REV3L: variants seen among roughly 807,000 people sequenced by gnomAD.
The protein encoded by REV3L is REV3 like, DNA directed polymerase zeta catalytic subunit, also known as DNA polymerase zeta catalytic subunit.
In REV3L, 69 loss-of-function variants were observed where a neutral mutation model predicts 299.4. That is an observed-to-expected ratio of 0.23 (90% CI 0.19 to 0.28). REV3L has a LOEUF of 0.28. Ranked by LOEUF, REV3L falls within the 10% of genes least tolerant of loss-of-function variation. The pLI, the probability that REV3L is intolerant of heterozygous loss-of-function variation, is 1.00. For synonymous variants in REV3L, 1,238 were observed against 1,271.4 expected (o/e 0.97, Z 0.56); for missense variants, 3,128 against 3,693.8 (o/e 0.85, Z 3.97).
chr6:111,405,439 A>C, intron 4 of REV3L, 31 bp downstream of exon 4: 1 of 1,553,658 alleles, frequency 6.4e-7, no homozygotes, highest in Non-Finnish European at 8.7e-7. Context: ...TAATTTGACA[A>C]AAATTTAATT....
chr6:111,302,107 C>T (rs1443314803), intron 31 of REV3L, among the ~76,000 whole-genome samples: 4 of 152,136 alleles, frequency 2.6e-5, no homozygotes, highest in Admixed American at 2.0e-4. Flanking sequence ...TCCAGTTAAC[C>T]GAAGGGCACA....
rs904312856 is a variant in REV3L, at chr6:111,446,457, G to A, written c.140-29985C>T. On this transcript the variant is annotated intron_variant, in intron 1 of 31. Transcript: ENST00000368802. ...GCTGGCTCACGCTTACAATCCCAGC[G>A]CTTTGGGAGGCCGAGGCGGGTGGAT... Among the ~76,000 whole-genome samples, 9 of 152,038 alleles carry A rather than the reference G, an allele frequency of 5.9e-5. No individual in the cohort carries two copies. The South Asian group carries it at 1.7e-3, about 28-fold the overall frequency.
At chr6:111,454,604 A>G (rs1231598799) in intron 1 of REV3L, among the ~76,000 whole-genome samples, 1 of 152,108 alleles carries the variant, frequency 6.6e-6, no homozygotes, top group East Asian at 1.9e-4. Flanking sequence ...TGTTCTCTAT[A>G]AATTTGACTA....
At chr6:111,343,777 G>A (rs1350373027) in intron 21 of REV3L, 148 bp downstream of exon 21, 14 of 472,304 alleles carry the variant, frequency 3.0e-5, no homozygotes, top group Non-Finnish European at 4.4e-5. Flanking sequence ...TGATGTGCCC[G>A]CCTCGGCCTC....
At chr6:111,382,126 C>T (rs1780892844) in intron 9 of REV3L, among the ~76,000 whole-genome samples, 1 of 152,130 alleles carries the variant, frequency 6.6e-6, no homozygotes, top group Non-Finnish European at 1.5e-5. Flanking sequence ...ACATTCATTA[C>T]ATTTTCATGA....
chr6:111,371,371 A>C (rs985320092), intron 13 of REV3L, among the ~76,000 whole-genome samples: 4 of 151,990 alleles, frequency 2.6e-5, no homozygotes, highest in African/African-American at 9.7e-5. Flanking sequence ...GTGCGCTCAC[A>C]TGTTTGTCTA....
chr6:111,352,618 T>G (rs967606408), intron 18 of REV3L, among the ~76,000 whole-genome samples: 3 of 152,214 alleles, frequency 2.0e-5, no homozygotes, highest in African/African-American at 7.2e-5. Context: ...TAGTAATTAT[T>G]TGGTTCTCAC....
intron 31 of REV3L, among the ~76,000 whole-genome samples, chr6:111,303,688 TAACAGACTATGAC>T (rs377635749): frequency 0.16 from 12,491 of 78,198 alleles, 3,364 homozygotes; most frequent in Non-Finnish European, 0.29. Flanking sequence ...TTTTTTTTTT[TAACAGACTATGAC>T]TTTTTTTTTT....
chr6:111,301,318 G>A (rs570273115), intron 31 of REV3L, among the ~76,000 whole-genome samples: 42 of 152,070 alleles, frequency 2.8e-4, no homozygotes, highest in Non-Finnish European at 5.3e-4. Flanking sequence ...CCCTGGCCTT[G>A]TGATCTCACT....
At chr6:111,347,245 G>A (rs538081850) in intron 20 of REV3L, among the ~76,000 whole-genome samples, 10 of 151,572 alleles carry the variant, frequency 6.6e-5, no homozygotes, top group African/African-American at 2.4e-4. Context: ...CTCCATTCTG[G>A]GTGACAGAGC....
chr6:111,387,737 T>C, intron 9 of REV3L, 28 bp downstream of exon 9: 1 of 1,600,738 alleles, frequency 6.2e-7, no homozygotes, highest in Non-Finnish European at 8.6e-7. Context: ...TTCTAGTAGT[T>C]TCTGTATACA....
At chr6:111,364,472 C>T (rs1299344033) in intron 15 of REV3L, among the ~76,000 whole-genome samples, 1 of 124,718 alleles carries the variant, frequency 8.0e-6, no homozygotes, top group Non-Finnish European at 2.0e-5. Flanking sequence ...CTTTCCATTT[C>T]TTACAAAATT....
At position 111,374,754 on chromosome 6, in the gene REV3L, C is replaced by T. The variant is rs758830800; in HGVS notation, c.3601G>A (p.Val1201Ile). 1 of 1,612,394 alleles carries T rather than the reference C, an allele frequency of 6.2e-7. No individual in the cohort carries two copies. Among genetic ancestry groups the T allele is most frequent in the South Asian group, 1.1e-5 (1 of 90,864 alleles). The change falls in exon 13 of 32, where the codon GTA becomes ATA. Residue 1201 changes from valine to isoleucine, a missense_variant. Val to Ile is a conservative substitution (Grantham distance 29). Around this residue, in one of 9 missense-constraint regions of REV3L, gnomAD observed 2,409 missense variants for 2,611.8 expected, o/e 0.92. Transcript: ENST00000368802. ...CTTGGTTTCTTTTTTCCATCATCTA[C>T]TAGTTTATTTGTCTGATTTCGTTTG... ...RNKRNQTNKL[V>I]DDGKKKPRAK...
At chr6:111,456,816 C>T (rs941413428) in intron 1 of REV3L, among the ~76,000 whole-genome samples, 2 of 152,062 alleles carry the variant, frequency 1.3e-5, no homozygotes, top group African/African-American at 4.8e-5. Context: ...TTAATAGAAG[C>T]GTATCTTGCT....
At chr6:111,378,355 ATT>A (rs1451536567) in intron 11 of REV3L, among the ~76,000 whole-genome samples, 9 of 152,224 alleles carry the variant, frequency 5.9e-5, no homozygotes, top group Non-Finnish European at 1.2e-4. Context: ...TTCCCTTTTA[ATT>A]GAATGGGCAA....
In REV3L at chr6:111,483,205, G is replaced by C. The variant is rs1044503579; in HGVS notation, c.-317C>G. 2 of 476,010 alleles carry C rather than the reference G, an allele frequency of 4.2e-6. No individual in the cohort carries two copies. Among genetic ancestry groups the C allele is most frequent in the African/African-American group, 4.1e-5 (2 of 48,744 alleles). The allele number at this position is 476,010 out of a possible 1,614,324, so 29.5% of individuals were successfully genotyped here. A position where few individuals can be genotyped will look rare whatever the true frequency, so the allele number is the denominator to read the frequency against. ...CCCAGGCTGCAGCTCTTGTTGCCAT[G>C]ATGATGATGTCACGGACGCAACCAC... On this transcript the variant is annotated 5_prime_UTR_variant, in exon 1 of 32. It adds an upstream start codon to the 5' untranslated region. Transcript: ENST00000368802.
Position 111,375,582 on chromosome 6 carries a change from C to T in REV3L, c.2773G>A (p.Val925Ile), listed in dbSNP as rs774561005. ...TCACTGTCTTCAGTCTCATAATTTA[C>T]CTTGCGTTTGGCTCTAAGTGTGTAT... ...NKYTLRAKRK[V>I]NYETEDSESS... Residue 925 changes from valine (V) to isoleucine (I), a missense_variant, in exon 13 of 32, where the codon GTA (valine) becomes ATA (isoleucine). Transcript: ENST00000368802. The T allele has an allele frequency of 1.1e-5, 18 of 1,613,716 alleles. No individual in the cohort carries two copies. The Admixed American group carries it at 2.8e-4, about 25-fold the overall frequency.
intron 22 of REV3L, 99 bp downstream of exon 22, chr6:111,335,370 T>C: frequency 3.8e-6 from 5 of 1,315,422 alleles, no homozygotes; most frequent in Non-Finnish European, 5.2e-6. Context: ...GATTAGTTGG[T>C]ACCAAACAGA....
intron 29 of REV3L, 51 bp from the exon 30 acceptor site, chr6:111,310,150 AT>A: frequency 2.7e-6 from 4 of 1,460,584 alleles, no homozygotes; most frequent in Non-Finnish European, 3.6e-6. Context: ...TATGGAAGCC[AT>A]CTTTCTCACA....
Sources: allele counts gnomAD v4.1 joint callset (sites outside exome capture counted in the v4.1 genomes callset), GRCh38; gene constraint gnomAD v4.1.1; regional missense constraint gnomAD v4.1.1; transcripts MANE v1.5; gene names NCBI Gene and HGNC (gene_info 2026-07-23, HGNC 2026-07-21).